Variants in XPO1 observed in about 807,000 individuals in gnomAD.
The protein encoded by XPO1 is exportin 1.
A neutral mutation model predicts 133.3 loss-of-function variants in XPO1; 5 were observed. That is an observed-to-expected ratio of 0.04 (90% CI 0.02 to 0.08). The LOEUF is 0.08. XPO1 is among the 10% of genes least tolerant of loss of function. The probability of loss-of-function intolerance (pLI) is 1.00; values close to 1 mark genes in which losing one functional copy is unlikely to be tolerated. For synonymous variants in XPO1, 419 were observed against 408.2 expected, an observed-to-expected ratio of 1.03 and a Z score of -0.32; for missense variants, 506 against 1,267.5, an observed-to-expected ratio of 0.40 and a Z score of 9.12.
intron 2 of XPO1, among the ~76,000 whole-genome samples, chr2:61,533,470 T>C (rs1699245331): frequency 6.6e-6 from 1 of 152,202 alleles, no homozygotes; most frequent in Non-Finnish European, 1.5e-5. Context: ...AAGAATCGTA[T>C]TAGTGCCAAA....
At chr2:61,494,187 A>T in intron 11 of XPO1, 96 bp from the exon 12 acceptor site, 1 of 1,161,670 alleles carries the variant, frequency 8.6e-7, no homozygotes, top group Non-Finnish European at 1.2e-6. Context: ...ATAAAAATTC[A>T]TGTTTTATTC....
At chr2:61,494,130 C>T (rs1697125758) in intron 11 of XPO1, 39 bp from the exon 12 acceptor site, 6 of 1,563,120 alleles carry the variant, frequency 3.8e-6, no homozygotes, top group Non-Finnish European at 3.5e-6. Context: ...AATTCTTAAA[C>T]ATTACCAACT....
At chr2:61,503,977 G>A (rs6734830) in intron 4 of XPO1, among the ~76,000 whole-genome samples, 89,895 of 152,080 alleles carry the variant, frequency 0.59, 26,640 homozygotes, top group Middle Eastern at 0.68. Flanking sequence ...GCCTAGAGGC[G>A]GAGGCTGCAG....
chr2:61,482,903 G>A (rs1696470550), intron 22 of XPO1, 54 bp downstream of exon 22: 7 of 1,606,558 alleles, frequency 4.4e-6, no homozygotes, highest in African/African-American at 2.7e-5. Context: ...GATTATAGGC[G>A]TGAGGCCCTG....
At chr2:61,516,438 G>C (rs1698394448) in intron 4 of XPO1, among the ~76,000 whole-genome samples, 1 of 151,432 alleles carries the variant, frequency 6.6e-6, no homozygotes, top group Non-Finnish European at 1.5e-5. Context: ...TTTTGAGACT[G>C]AGTTTCGCTC....
chr2:61,521,164 T>C (rs948182166), intron 4 of XPO1, among the ~76,000 whole-genome samples: 4 of 152,202 alleles, frequency 2.6e-5, no homozygotes, highest in African/African-American at 7.2e-5. Context: ...GTATTAAAGA[T>C]ATTGCCACTG....
At chr2:61,519,139 T>C (rs1698559408) in intron 4 of XPO1, among the ~76,000 whole-genome samples, 2 of 152,072 alleles carry the variant, frequency 1.3e-5, no homozygotes, top group African/African-American at 4.8e-5. Context: ...TTAGTAGAGA[T>C]AGGGTTTCTC....
intron 20 of XPO1, 83 bp from the exon 21 acceptor site, chr2:61,484,188 G>T (rs962691297): frequency 8.0e-7 from 1 of 1,243,828 alleles, no homozygotes; most frequent in Non-Finnish European, 1.1e-6. Flanking sequence ...GCTTAATCCA[G>T]TATAAATATT....
rs1041651135 is a variant in XPO1 at position 61,492,918 on chromosome 2, A to G, written c.1381T>C (p.Leu461=). The G allele has an allele frequency of 6.3e-7, 1 of 1,597,340 alleles. No homozygotes were observed. The highest frequency in any genetic ancestry group is 8.5e-7 in the Non-Finnish European group (1 of 1,174,008). ...TTAACAGTATTTATTAACTTACCCA[A>G]TGTTTCCCTCATATTCTTATACAAA... The part of the protein sequence containing the change: ...INLYKNMRET[L]VYLTHLDYVD... Residue 461 remains leucine (L), a synonymous_variant, in exon 13 of 25, where the codon TTG becomes CTG. Transcript: ENST00000401558. This position sits in a 1 kb window ranked among gnomAD's most constrained non-coding sequence, Gnocchi z 5.6.
chr2:61,491,549 T>C (rs1696999155), intron 16 of XPO1, among the ~76,000 whole-genome samples: 1 of 150,358 alleles, frequency 6.7e-6, no homozygotes, highest in African/African-American at 2.5e-5. Flanking sequence ...TCGGAATAAT[T>C]TTACATAGGA....
chr2:61,478,877 T>C lies in XPO1; in HGVS notation c.3159A>G (p.Gln1053=). ...RQADEEKHKR[Q]MSVPGIFNPH... ...GATTAAAGATGCCAGGGACAGACAT[T>C]TGACGTTTATGTTTCTCTTCATCAG... The change falls in exon 25 of 25, where the codon CAA becomes CAG. Residue 1053 remains glutamine, a synonymous_variant. Coordinates refer to ENST00000401558, the MANE Select transcript of XPO1 (RefSeq NM_003400.4). The C allele has an allele frequency of 3.7e-6, 6 of 1,614,186 alleles. No homozygotes were observed. The highest frequency in any genetic ancestry group is 5.1e-6 in the Non-Finnish European group (6 of 1,180,038).
intron 4 of XPO1, among the ~76,000 whole-genome samples, chr2:61,515,037 C>A (rs1698297062): frequency 6.8e-6 from 1 of 147,472 alleles, no homozygotes. Context: ...ACACTGCACT[C>A]CAGCCTGGGC....
At chr2:61,481,697 G>T (rs558079172) in intron 23 of XPO1, among the ~76,000 whole-genome samples, 4 of 151,928 alleles carry the variant, frequency 2.6e-5, no homozygotes, top group African/African-American at 9.7e-5. Flanking sequence ...TGCCCGCCTA[G>T]GCCTCCCAAA....
At position 61,495,302 on chromosome 2, in the gene XPO1, CTG is replaced by C. The variant is rs1333105839; in HGVS notation, c.1047+151_1047+152del. Among the ~76,000 whole-genome samples, 5 of 152,100 alleles carry C rather than the reference CTG, an allele frequency of 3.3e-5. No homozygotes were observed. In the South Asian group the frequency reaches 1.0e-3, roughly 32 times the overall value. Reference sequence around the variant, plus strand: ...TAAAATCAGAAAACTGGGCTTATAACTGTAATTCAGAATTGAGAATATATATA... The same window carrying C: ...TAAAATCAGAAAACTGGGCTTATAACTAATTCAGAATTGAGAATATATATA... On this transcript the variant is annotated intron_variant, in intron 11 of 24. Transcript: ENST00000401558.
At chr2:61,486,853 T>C (rs1696719857) in intron 19 of XPO1, among the ~76,000 whole-genome samples, 1 of 152,168 alleles carries the variant, frequency 6.6e-6, no homozygotes, top group Non-Finnish European at 1.5e-5. Context: ...TTGCCTAAAC[T>C]GGACTTGAGC....
chr2:61,517,890 C>G (rs1303884609), intron 4 of XPO1, among the ~76,000 whole-genome samples: 2 of 151,858 alleles, frequency 1.3e-5, no homozygotes, highest in Non-Finnish European at 2.9e-5. Context: ...TCCCAGCACT[C>G]TGGGAGGGTG....
Position 61,498,847 on chromosome 2 carries a change from G to T in XPO1, c.639+18C>A. 1 of 1,604,356 alleles carries T rather than the reference G, an allele frequency of 6.2e-7. No homozygotes were observed. Among genetic ancestry groups the T allele is most frequent in the Non-Finnish European group, 8.5e-7 (1 of 1,175,692 alleles). On this transcript the variant is annotated intron_variant, in intron 8 of 24. Coordinates refer to ENST00000401558, the MANE Select transcript of XPO1 (RefSeq NM_003400.4). ...CTTTCCTATTATTGTTTTTAAAAAT[G>T]AAATTAAAAACACTTACCATTACAA... is the stretch of plus-strand genomic sequence containing the variant.
chr2:61,479,612 G>A (rs192961791), intron 24 of XPO1, among the ~76,000 whole-genome samples: 2 of 152,088 alleles, frequency 1.3e-5, no homozygotes, highest in African/African-American at 2.4e-5. Context: ...CTTTGTGATA[G>A]AGTCTTGTTC....
chr2:61,505,392 CTT>C (rs146283651), intron 4 of XPO1, among the ~76,000 whole-genome samples: 81,399 of 135,938 alleles, frequency 0.6, 23,404 homozygotes, highest in Middle Eastern at 0.68. Context: ...AACATTCTCA[CTT>C]TTTTTTTTTT....
Sources: allele counts gnomAD v4.1 joint callset (sites outside exome capture counted in the v4.1 genomes callset), GRCh38; gene constraint gnomAD v4.1.1; non-coding constraint Gnocchi (gnomAD v3.1); transcripts MANE v1.5; gene names NCBI Gene and HGNC (gene_info 2026-07-23, HGNC 2026-07-21).